EML6: variants seen among roughly 807,000 people sequenced by gnomAD.
EML6 encodes echinoderm microtubule-associated protein-like 6.
Under a neutral mutation model 240.1 loss-of-function variants are expected in EML6, and 154 were observed. The observed-to-expected ratio is 0.64, with a 90% CI of 0.56 to 0.73. The LOEUF is 0.73. Ranked by LOEUF, EML6 falls within the 30% of genes least tolerant of loss-of-function variation. The probability of loss-of-function intolerance (pLI) is 0.00; values close to 1 mark genes in which losing one functional copy is unlikely to be tolerated. For synonymous variants in EML6, 1,148 were observed against 899.0 expected (o/e 1.28, Z -4.95); for missense variants, 2,964 against 2,474.6 (o/e 1.20, Z -4.20).
intron 2 of EML6, among the ~76,000 whole-genome samples, chr2:54,735,743 A>T (rs1324661891): frequency 6.6e-6 from 1 of 152,226 alleles, no homozygotes; most frequent in Non-Finnish European, 1.5e-5. Context: ...CATCCCTTTC[A>T]ATGTAAGAAA....
chr2:54,891,434 T>A (rs1346876846), intron 18 of EML6, among the ~76,000 whole-genome samples: 4 of 152,204 alleles, frequency 2.6e-5, no homozygotes, highest in Admixed American at 2.6e-4. Context: ...GCAGTAATTA[T>A]GTTAGACTAC....
chr2:54,849,702 A>G (rs933894259), intron 9 of EML6, among the ~76,000 whole-genome samples: 6 of 152,170 alleles, frequency 3.9e-5, no homozygotes, highest in Non-Finnish European at 8.8e-5. Flanking sequence ...GTTATCCAGG[A>G]TGGTCTCAAT....
intron 28 of EML6, among the ~76,000 whole-genome samples, chr2:54,942,337 T>C (rs975767207): frequency 6.6e-6 from 1 of 152,202 alleles, no homozygotes; most frequent in Non-Finnish European, 1.5e-5. Flanking sequence ...TTCAAAAATA[T>C]GTAAGCACTT....
At chr2:54,743,804 A>G (rs1211076714) in intron 2 of EML6, among the ~76,000 whole-genome samples, 2 of 152,222 alleles carry the variant, frequency 1.3e-5, no homozygotes, top group Admixed American at 6.5e-5. Flanking sequence ...TAAAACACAT[A>G]TGACATTTAC....
At chr2:54,804,161 A>G (rs979052261) in intron 2 of EML6, among the ~76,000 whole-genome samples, 8 of 152,256 alleles carry the variant, frequency 5.3e-5, no homozygotes, top group Non-Finnish European at 1.2e-4. Context: ...ACATTTTGCC[A>G]TCTGGCAAAG....
chr2:54,795,737 C>T (rs2103935793), intron 2 of EML6, among the ~76,000 whole-genome samples: 1 of 152,286 alleles, frequency 6.6e-6, no homozygotes, highest in Non-Finnish European at 1.5e-5. Flanking sequence ...TATCTAGCCC[C>T]TAGCATAATA....
intron 26 of EML6, among the ~76,000 whole-genome samples, chr2:54,926,130 G>T (rs796927073): frequency 5.3e-5 from 8 of 152,302 alleles, no homozygotes; most frequent in African/African-American, 1.9e-4. Flanking sequence ...TTAAGATGGA[G>T]TCTCACTGTT....
At chr2:54,882,075 A>C (rs144093450) in intron 17 of EML6, 1 of 152,228 alleles carries the variant, frequency 6.6e-6, no homozygotes, top group Non-Finnish European at 1.5e-5. Context: ...TTTTAAATGA[A>C]CCTACTCTTT....
chr2:54,920,764 A>G lies in EML6; in HGVS notation c.3675+3829A>G, dbSNP rs115887091. Among the ~76,000 whole-genome samples the G allele has an allele frequency of 7.9e-3, 1,199 of 152,276 alleles. 13 individuals carry two copies. Among genetic ancestry groups the G allele is most frequent in the African/African-American group, 0.028 (1,152 of 41,546 alleles). ...ATATAGGTGCAAAAATCTGAAACAA[A>G]ATACTACAAACCAAATTCAACAGCA... On this transcript the variant is annotated intron_variant, in intron 26 of 41. Coordinates refer to ENST00000356458, the MANE Select transcript of EML6 (RefSeq NM_001039753.4).
At chr2:54,766,503 T>C (rs554590284) in intron 2 of EML6, among the ~76,000 whole-genome samples, 73 of 152,330 alleles carry the variant, frequency 4.8e-4, no homozygotes, top group African/African-American at 1.7e-3. Context: ...AATGATGTAT[T>C]CTTCTTAGTA....
intron 22 of EML6, among the ~76,000 whole-genome samples, chr2:54,902,178 G>A (rs2104213255): frequency 6.6e-6 from 1 of 152,180 alleles, no homozygotes; most frequent in East Asian, 1.9e-4. Context: ...AATGGTTTCT[G>A]GAAATTTTAT....
chr2:54,869,037 A>T (rs560819924), intron 14 of EML6, 144 bp from the exon 15 acceptor site: 19 of 549,142 alleles, frequency 3.5e-5, no homozygotes, highest in African/African-American at 2.2e-4. Context: ...ACATATCCTC[A>T]TTTAAACATT....
In EML6 at chr2:54,891,118, G is replaced by A. The variant is rs1310859204; in HGVS notation, c.2503G>A (p.Val835Ile). The A allele has an allele frequency of 6.6e-7, 1 of 1,505,528 alleles. No homozygotes were observed. Among genetic ancestry groups the A allele is most frequent in the East Asian group, 2.5e-5 (1 of 40,334 alleles). 93.3% of individuals were successfully genotyped at this position (1,505,528 alleles called of 1,614,324 possible). Residue 835 changes from valine to isoleucine, a missense_variant, in exon 18 of 42, where the codon GTT becomes ATT. Val to Ile is a conservative substitution (Grantham distance 29). Transcript: ENST00000356458. ...NPHHVDKLVTVGIKHIKFWQQ... is the reference protein window; with the variant it reads ...NPHHVDKLVTIGIKHIKFWQQ... Reference sequence around the variant, plus strand: ...ACACCATGTTGACAAACTGGTTACAGTTGGGATAAAACACATCAAATTCTG... The same window carrying A: ...ACACCATGTTGACAAACTGGTTACAATTGGGATAAAACACATCAAATTCTG...
chr2:54,842,092 C>T (rs531077264), intron 7 of EML6, among the ~76,000 whole-genome samples: 11 of 152,010 alleles, frequency 7.2e-5, no homozygotes, highest in Middle Eastern at 3.4e-3. Flanking sequence ...ACCCAGATGC[C>T]GTAGTTCATG....
intron 24 of EML6, among the ~76,000 whole-genome samples, chr2:54,904,877 G>T (rs1455439767): frequency 6.6e-6 from 1 of 152,218 alleles, no homozygotes; most frequent in Admixed American, 6.5e-5. Flanking sequence ...AGTGGCCATA[G>T]ACCAGGACTT....
intron 24 of EML6, among the ~76,000 whole-genome samples, chr2:54,907,107 A>G (rs1673365025): frequency 6.6e-6 from 1 of 152,216 alleles, no homozygotes; most frequent in Admixed American, 6.5e-5. Flanking sequence ...CCAGCATGGA[A>G]TGCTTGAGAA....
At chr2:54,858,249 A>G (rs1670494260) in intron 11 of EML6, among the ~76,000 whole-genome samples, 1 of 152,244 alleles carries the variant, frequency 6.6e-6, no homozygotes, top group Non-Finnish European at 1.5e-5. Flanking sequence ...TAGAGATCCA[A>G]GAAAGACAGC....
intron 2 of EML6, among the ~76,000 whole-genome samples, chr2:54,796,313 C>T (rs545743121): frequency 6.6e-6 from 1 of 152,248 alleles, no homozygotes; most frequent in African/African-American, 2.4e-5. Flanking sequence ...AGTCTTTACT[C>T]ATTACTCTCA....
chr2:54,868,300 A>T (rs1573033725), intron 14 of EML6: 4 of 152,222 alleles, frequency 2.6e-5, no homozygotes, highest in Admixed American at 6.5e-5. Flanking sequence ...CAACATGAAT[A>T]TATTACTAAT....
Sources: gnomAD v4.1 joint callset for allele counts (sites outside exome capture counted in the v4.1 genomes callset) on GRCh38, gnomAD v4.1.1 for gene constraint, MANE v1.5 for transcripts, NCBI Gene and HGNC (gene_info 2026-07-23, HGNC 2026-07-21) for gene names.